Variants in NIN observed in about 807,000 individuals in gnomAD.
The protein encoded by NIN is glycogen synthase kinase 3 beta-interacting protein.
A neutral mutation model predicts 257.6 loss-of-function variants in NIN; 137 were observed. The observed-to-expected ratio is 0.53, with a 90% CI of 0.46 to 0.61. The LOEUF is 0.61. Among genes scored for constraint, NIN ranks in the 20% least tolerant of loss-of-function variants. The probability of loss-of-function intolerance (pLI) is 0.00; values close to 1 mark genes in which losing one functional copy is unlikely to be tolerated. For missense variants in NIN, 2,439 were observed against 2,501.2 expected, an observed-to-expected ratio of 0.98 and a Z score of 0.53; for synonymous variants, 918 against 919.8, an observed-to-expected ratio of 1.00 and a Z score of 0.04.
intron 5 of NIN, among the ~76,000 whole-genome samples, chr14:50,782,161 G>C (rs2043160143): frequency 6.6e-6 from 1 of 152,154 alleles, no homozygotes; most frequent in African/African-American, 2.4e-5. Flanking sequence ...ATTTAAAATA[G>C]GCCCGTTTAT....
chr14:50,792,636 T>A (rs2043647766), intron 5 of NIN, 76 bp downstream of exon 5: 22 of 1,525,826 alleles, frequency 1.4e-5, no homozygotes, highest in Non-Finnish European at 1.8e-5. Flanking sequence ...CCCCCTCAGC[T>A]CCCCTGTCTC....
At chr14:50,821,196 G>A (rs761184119) in intron 3 of NIN, among the ~76,000 whole-genome samples, 5 of 152,184 alleles carry the variant, frequency 3.3e-5, no homozygotes, top group African/African-American at 4.8e-5. Context: ...AGAATTGAAG[G>A]CAATCTCAGG....
Position 50,723,664 on chromosome 14 carries a change from C to G in NIN, c.6201G>C (p.Lys2067Asn). Reference protein sequence around the residue: ...KVNQLKEQLCKNTKADAMVKD... With the variant: ...KVNQLKEQLCNNTKADAMVKD... ...TCACCATTGCGTCTGCCTTAGTGTT[C>G]TTGCAGAGCTAGAAACAGAACCAGA... Residue 2067 changes from lysine (K) to asparagine (N), a missense_variant, in exon 31 of 31, where the codon AAG (lysine) becomes AAC (asparagine). Lys to Asn is a moderately conservative substitution (Grantham distance 94, BLOSUM62 0). Transcript: ENST00000530997. The G allele has an allele frequency of 5.6e-6, 9 of 1,613,636 alleles. No individual in the cohort carries two copies. The highest frequency in any genetic ancestry group is 7.6e-6 in the Non-Finnish European group (9 of 1,179,656).
intron 29 of NIN, among the ~76,000 whole-genome samples, chr14:50,728,587 G>C (rs2040530680): frequency 6.6e-6 from 1 of 152,192 alleles, no homozygotes; most frequent in African/African-American, 2.4e-5. Flanking sequence ...TCCTTGTCAA[G>C]CATTAACTGA....
chr14:50,763,768 C>A, intron 15 of NIN, 58 bp downstream of exon 15: 1 of 1,477,584 alleles, frequency 6.8e-7, no homozygotes, highest in Non-Finnish European at 9.3e-7. Flanking sequence ...TTATATTGAA[C>A]CACGTTTCTA....
At position 50,729,698 on chromosome 14, in the gene NIN, G is replaced by T; in HGVS notation, c.5903C>A (p.Thr1968Lys). The change falls in exon 29 of 31, where the codon ACG becomes AAG. Residue 1968 changes from threonine to lysine, a missense_variant. Thr to Lys is a moderately conservative substitution (Grantham distance 78). Coordinates refer to ENST00000530997, the MANE Select transcript of NIN (RefSeq NM_020921.4). ...CCAAGCATGAGGGGACGGGCTAGGC[G>T]TCGCAGTGGACCTCAGGTGCTGCAT... ...MEMQHLRSTA[T>K]PSPSPHAWDL... The T allele has an allele frequency of 2.5e-6, 4 of 1,609,916 alleles. No individual in the cohort carries two copies. Among genetic ancestry groups the T allele is most frequent in the Non-Finnish European group, 3.4e-6 (4 of 1,178,060 alleles).
At chr14:50,736,150 TG>T (rs2040965269) in intron 27 of NIN, among the ~76,000 whole-genome samples, 1 of 151,654 alleles carries the variant, frequency 6.6e-6, no homozygotes, top group Non-Finnish European at 1.5e-5. Context: ...CTTTTTTTTT[TG>T]AGACAGAGTC....
Position 50,729,588 on chromosome 14 carries a change from C to A in NIN, c.6013G>T (p.Glu2005Ter). 6.2e-7 allele frequency: 1 copy of A among 1,614,116 alleles called. No homozygotes were observed. The highest frequency in any genetic ancestry group is 1.1e-5 in the South Asian group (1 of 91,042). ...TCCTGCAGGTGCTGGTTTATCCTTTCTGCCTGCAGCAGCTGGCGTTGAAGC... is the reference window on the plus strand; with the variant it reads ...TCCTGCAGGTGCTGGTTTATCCTTTATGCCTGCAGCAGCTGGCGTTGAAGC... Reference protein sequence around the residue: ...LQLQRQLLQAERINQHLQEEL... With the variant: ...LQLQRQLLQA The change falls in exon 29 of 31, where the codon GAA (glutamate) becomes TAA (stop). Residue 2005 changes from glutamate to a stop codon, truncating the protein, a stop_gained. Coordinates refer to ENST00000530997, the MANE Select transcript of NIN (RefSeq NM_020921.4). LOFTEE classifies it high-confidence loss of function.
At chr14:50,779,578 G>GA (rs2043047696) in intron 5 of NIN, among the ~76,000 whole-genome samples, 1 of 152,150 alleles carries the variant, frequency 6.6e-6, no homozygotes, top group Non-Finnish European at 1.5e-5. Context: ...CCAACACAAT[G>GA]AAACCCCATC....
chr14:50,736,310 T>TA (rs1408217249), intron 27 of NIN, among the ~76,000 whole-genome samples: 2 of 129,034 alleles, frequency 1.5e-5, no homozygotes, highest in Non-Finnish European at 3.4e-5. Context: ...TTTTTGTATA[T>TA]TTTTTTTTTT....
intron 3 of NIN, among the ~76,000 whole-genome samples, chr14:50,816,024 T>C (rs2044876666): frequency 6.6e-6 from 1 of 151,784 alleles, no homozygotes; most frequent in Non-Finnish European, 1.5e-5. Flanking sequence ...CAAAACAAAA[T>C]GAACAAAATC....
chr14:50,754,789 A>C lies in NIN; in HGVS notation c.4617T>G (p.Ile1539Met), dbSNP rs1449554981. 5 of 1,585,966 alleles carry C rather than the reference A, an allele frequency of 3.2e-6. No homozygotes were observed. Among genetic ancestry groups the C allele is most frequent in the Non-Finnish European group, 4.3e-6 (5 of 1,162,438 alleles). ...TTAATGTCCCTAATTTCAGGTTAGAAATGCTATCTTCTTCATTTAAAGTAG... is the reference window on the plus strand; with the variant it reads ...TTAATGTCCCTAATTTCAGGTTAGACATGCTATCTTCTTCATTTAAAGTAG... Reference protein sequence around the residue: ...EITTLNEEDSISNLKLGTLNG... With the variant: ...EITTLNEEDSMSNLKLGTLNG... The change falls in exon 19 of 31, where the codon ATT becomes ATG. Residue 1539 changes from isoleucine to methionine, a missense_variant. Coordinates refer to ENST00000530997, the MANE Select transcript of NIN (RefSeq NM_020921.4).
chr14:50,727,316 C>A, intron 29 of NIN: 1 of 983,490 alleles, frequency 1.0e-6, no homozygotes, highest in African/African-American at 1.7e-5. Context: ...GTATAAATAC[C>A]CCTGGTTTTC....
chr14:50,792,873 G>C lies in NIN; in HGVS notation c.274C>G (p.Leu92Val). Reference sequence around the variant, plus strand: ...CTAACATATTTGGGCTGAGCTTCTAGTGAGCAGTCTGAGAGAGGAGACAAG... The same window carrying C: ...CTAACATATTTGGGCTGAGCTTCTACTGAGCAGTCTGAGAGAGGAGACAAG... ...EEHFQEPDCS[L>V]EAQPKYVRGG... The change falls in exon 5 of 31, where the codon CTA becomes GTA. Residue 92 changes from leucine to valine, a missense_variant. Transcript: ENST00000530997. 6.2e-7 allele frequency: 1 copy of C among 1,614,216 alleles called. No individual in the cohort carries two copies. The highest frequency in any genetic ancestry group is 8.5e-7 in the Non-Finnish European group (1 of 1,180,044).
At chr14:50,823,920 A>C (rs2045346650) in intron 2 of NIN, among the ~76,000 whole-genome samples, 1 of 152,260 alleles carries the variant, frequency 6.6e-6, no homozygotes, top group Non-Finnish European at 1.5e-5. Flanking sequence ...ACAGGAGTTA[A>C]GAATTTAGAC....
At chr14:50,798,456 G>A (rs2043941216) in intron 4 of NIN, among the ~76,000 whole-genome samples, 1 of 152,214 alleles carries the variant, frequency 6.6e-6, no homozygotes, top group Non-Finnish European at 1.5e-5. Context: ...GTGTGGCAAG[G>A]CAAGCCCCAG....
chr14:50,763,734 TCAAGTTGCCAAAGC>T, intron 15 of NIN, 78 bp downstream of exon 15: 1 of 1,109,526 alleles, frequency 9.0e-7, no homozygotes, highest in African/African-American at 1.6e-5. Flanking sequence ...TTTTCTTTTT[TCAAGTTGCCAAAGC>T]TTTGCAATTT....
chr14:50,808,408 T>G (rs1307088156), intron 3 of NIN, among the ~76,000 whole-genome samples: 2 of 152,158 alleles, frequency 1.3e-5, no homozygotes, highest in Non-Finnish European at 2.9e-5. Flanking sequence ...ACAGAATCAT[T>G]CATTCTTCTC....
intron 5 of NIN, among the ~76,000 whole-genome samples, chr14:50,784,871 AG>A (rs2043277662): frequency 6.6e-6 from 1 of 152,208 alleles, no homozygotes; most frequent in Non-Finnish European, 1.5e-5. Context: ...AGTGTCCCCT[AG>A]GCAGCCACGG....
Sources: allele counts gnomAD v4.1 joint callset (sites outside exome capture counted in the v4.1 genomes callset), GRCh38; gene constraint gnomAD v4.1.1; transcripts MANE v1.5; gene names NCBI Gene and HGNC (gene_info 2026-07-23, HGNC 2026-07-21).